MICU1: variants seen among roughly 807,000 people sequenced by gnomAD.
MICU1 encodes calcium uptake protein 1, mitochondrial.
Under a neutral mutation model 56.8 loss-of-function variants are expected in MICU1, and 45 were observed. The ratio of observed to expected loss-of-function variants is 0.79; its 90% CI spans 0.62 to 1.02. MICU1 has a LOEUF of 1.02. Ranked by LOEUF, MICU1 falls within the 50% of genes least tolerant of loss-of-function variation. The probability of loss-of-function intolerance (pLI) is 0.00; values close to 1 mark genes in which losing one functional copy is unlikely to be tolerated. For synonymous variants in MICU1, 186 were observed against 195.1 expected, an observed-to-expected ratio of 0.95 and a Z score of 0.39; for missense variants, 504 against 587.1, an observed-to-expected ratio of 0.86 and a Z score of 1.46.
At chr10:72,594,865 G>A (rs1841327876) in intron 1 of MICU1, among the ~76,000 whole-genome samples, 1 of 134,056 alleles carries the variant, frequency 7.5e-6, no homozygotes, top group Non-Finnish European at 1.6e-5. Context: ...AGCCAAGACT[G>A]TGCTACTGCA....
intron 6 of MICU1, among the ~76,000 whole-genome samples, chr10:72,482,264 T>TAC (rs1866323359): frequency 6.6e-6 from 1 of 152,200 alleles, no homozygotes. Context: ...TGCCTTACAT[T>TAC]ATTTTTTGGT....
At position 72,441,397 on chromosome 10, in the gene MICU1, G is replaced by C. The variant is rs143373296; in HGVS notation, c.934-18026C>G. 2.6e-3 allele frequency among the ~76,000 whole-genome samples: 389 copies of C among 149,782 alleles called. 3 individuals carry two copies. Among genetic ancestry groups the C allele is most frequent in the East Asian group, 0.018 (93 of 5,036 alleles). ...AGGGCAGGGAACATCACACACCAGG[G>C]CCTGTTGGGGGGTGGGGGGCTGGGG... On this transcript the variant is annotated intron_variant, in intron 8 of 11. Coordinates refer to ENST00000361114, the MANE Select transcript of MICU1 (RefSeq NM_001195518.2).
At chr10:72,540,889 A>G (rs930681444) in intron 4 of MICU1, among the ~76,000 whole-genome samples, 13 of 152,232 alleles carry the variant, frequency 8.5e-5, no homozygotes, top group African/African-American at 2.7e-4. Context: ...TAAGAAAAAT[A>G]TATCCTGGAT....
At position 72,546,948 on chromosome 10, in the gene MICU1, G is replaced by A. The variant is rs564099185; in HGVS notation, c.493+4231C>T. 1.1e-3 allele frequency among the ~76,000 whole-genome samples: 159 copies of A among 150,932 alleles called. 1 individual carries two copies. The highest frequency in any genetic ancestry group is 0.01 in the Middle Eastern group (3 of 294). ...GCTCTGTCGCCCAGGCTGGACTGCA[G>A]TGGTGCAATCTCAGCTCACTGCAAG... On this transcript the variant is annotated intron_variant, in intron 4 of 11. Coordinates refer to ENST00000361114, the MANE Select transcript of MICU1 (RefSeq NM_001195518.2).
At chr10:72,428,912 A>G (rs1198809525) in intron 8 of MICU1, among the ~76,000 whole-genome samples, 2 of 152,240 alleles carry the variant, frequency 1.3e-5, no homozygotes, top group Non-Finnish European at 2.9e-5. Context: ...GACTAAGAAT[A>G]TGGACTTTAC....
At chr10:72,596,309 A>T (rs1841379877) in intron 1 of MICU1, among the ~76,000 whole-genome samples, 1 of 152,000 alleles carries the variant, frequency 6.6e-6, no homozygotes, top group South Asian at 2.1e-4. Context: ...ATGGTAGTAC[A>T]TACCTGTAAT....
intron 5 of MICU1, among the ~76,000 whole-genome samples, chr10:72,509,676 G>C (rs1867378885): frequency 6.6e-6 from 1 of 152,106 alleles, no homozygotes; most frequent in Non-Finnish European, 1.5e-5. Context: ...CTCACAGAAG[G>C]CATAGTCCTG....
chr10:72,561,359 G>A (rs1000989268), intron 3 of MICU1, among the ~76,000 whole-genome samples: 1 of 152,210 alleles, frequency 6.6e-6, no homozygotes, highest in Non-Finnish European at 1.5e-5. Context: ...CTGGCACAGA[G>A]TAAAGTTGTG....
intron 10 of MICU1, among the ~76,000 whole-genome samples, chr10:72,377,200 AC>A (rs1019511385): frequency 6.6e-6 from 1 of 152,100 alleles, no homozygotes; most frequent in African/African-American, 2.4e-5. Context: ...GCTCACTGCA[AC>A]CACTGCCTTC....
At chr10:72,388,243 A>T (rs1175836034) in intron 10 of MICU1, among the ~76,000 whole-genome samples, 2 of 152,380 alleles carry the variant, frequency 1.3e-5, no homozygotes, top group South Asian at 4.1e-4. Flanking sequence ...CACCTTGGTC[A>T]TTGGAAGGTG....
chr10:72,614,892 A>G (rs1393467952), intron 1 of MICU1, among the ~76,000 whole-genome samples: 2 of 152,264 alleles, frequency 1.3e-5, no homozygotes, highest in Non-Finnish European at 2.9e-5. Flanking sequence ...ATTAAAAATT[A>G]TTAAAATGGT....
intron 8 of MICU1, among the ~76,000 whole-genome samples, chr10:72,443,328 C>T (rs1162774968): frequency 1.3e-5 from 2 of 152,138 alleles, no homozygotes; most frequent in East Asian, 3.8e-4. Context: ...GTTGCCTGTT[C>T]ACTCTGATGG....
intron 7 of MICU1, chr10:72,475,964 T>C (rs1589258120): frequency 6.6e-6 from 3 of 452,062 alleles, no homozygotes; most frequent in East Asian, 7.0e-5. Flanking sequence ...TGGTGGCTCA[T>C]GCCTATAATC....
chr10:72,566,851 A>T, intron 1 of MICU1, 57 bp from the exon 2 acceptor site: 2 of 1,433,026 alleles, frequency 1.4e-6, no homozygotes, highest in Non-Finnish European at 1.9e-6. Flanking sequence ...GATGATGATG[A>T]TGATGATCCT....
At chr10:72,579,085 C>T (rs1301094448) in intron 1 of MICU1, among the ~76,000 whole-genome samples, 1 of 152,192 alleles carries the variant, frequency 6.6e-6, no homozygotes, top group East Asian at 1.9e-4. Flanking sequence ...AATACCATCA[C>T]TCTCCCTAGA....
chr10:72,516,068 G>A (rs1476133051), intron 5 of MICU1, among the ~76,000 whole-genome samples: 1 of 152,112 alleles, frequency 6.6e-6, no homozygotes, highest in East Asian at 1.9e-4. Context: ...ATGTAAAAGT[G>A]TTCCTATTTC....
chr10:72,494,100 G>A (rs1003655192), intron 6 of MICU1, among the ~76,000 whole-genome samples: 1 of 152,098 alleles, frequency 6.6e-6, no homozygotes, highest in South Asian at 2.1e-4. Flanking sequence ...CTCTGGGAGT[G>A]GTCTAAGCTT....
chr10:72,443,402 T>C (rs1435651787), intron 8 of MICU1, among the ~76,000 whole-genome samples: 16 of 152,128 alleles, frequency 1.1e-4, no homozygotes, highest in Non-Finnish European at 1.6e-4. Context: ...ATTTTGGCTT[T>C]TGTTGCCATT....
chr10:72,503,635 A>C (rs753495543), intron 6 of MICU1, among the ~76,000 whole-genome samples: 14 of 152,152 alleles, frequency 9.2e-5, no homozygotes, highest in Non-Finnish European at 1.5e-4. Flanking sequence ...AAGAGAAAAA[A>C]ATAAAAGGCA....
Sources: allele counts gnomAD v4.1 joint callset (sites outside exome capture counted in the v4.1 genomes callset), GRCh38; gene constraint gnomAD v4.1.1; transcripts MANE v1.5; gene names NCBI Gene and HGNC (gene_info 2026-07-23, HGNC 2026-07-21).